The following TMEM177 variants were observed in gnomAD, a reference collection of about 807,000 sequenced individuals.
The protein encoded by TMEM177 is transmembrane protein 177.
A neutral mutation model predicts 14.2 loss-of-function variants in TMEM177; 4 were observed. That is an observed-to-expected ratio of 0.28 (90% CI 0.14 to 0.64). The LOEUF (loss-of-function observed/expected upper bound fraction) is 0.64. Among genes scored for constraint, TMEM177 ranks in the 30% least tolerant of loss-of-function variants. The pLI, the probability that TMEM177 is intolerant of heterozygous loss-of-function variation, is 0.82. For missense variants in TMEM177, 344 were observed against 405.2 expected, an observed-to-expected ratio of 0.85 and a Z score of 1.30; for synonymous variants, 179 against 174.5, an observed-to-expected ratio of 1.03 and a Z score of -0.20.
chr2:119,700,612 A>T, the TMEM177 span, among the ~76,000 whole-genome samples: 5 of 152,208 alleles, frequency 3.3e-5, no homozygotes, highest in African/African-American at 9.7e-5. Flanking sequence ...TGCACCCACC[A>T]TCGGGCCATG....
the TMEM177 span, among the ~76,000 whole-genome samples, chr2:119,713,594 C>T: frequency 7.8e-4 from 119 of 152,296 alleles, 1 homozygote; most frequent in Middle Eastern, 0.017. Flanking sequence ...AATCTCAGCA[C>T]TTTGGGAGCC....
At chr2:119,683,674 T>TCTC (rs756776960), downstream of TMEM177, among the ~76,000 whole-genome samples, 1 of 152,174 alleles carries the variant, frequency 6.6e-6, no homozygotes, top group East Asian at 1.9e-4. Flanking sequence ...ACAGACCTTG[T>TCTC]CTCCACTCAC....
At chr2:119,703,422 G>A in the TMEM177 span, among the ~76,000 whole-genome samples, 1 of 152,062 alleles carries the variant, frequency 6.6e-6, no homozygotes, top group Non-Finnish European at 1.5e-5. Flanking sequence ...AAATAATTAT[G>A]GGCAAAGATG....
At chr2:119,691,133 G>T (rs538592254), downstream of TMEM177, among the ~76,000 whole-genome samples, 1 of 152,134 alleles carries the variant, frequency 6.6e-6, no homozygotes, top group African/African-American at 2.4e-5. Flanking sequence ...TGCCCTTGCC[G>T]GGGGGCAAAT....
At chr2:119,684,223 G>C (rs554100374), downstream of TMEM177, among the ~76,000 whole-genome samples, 36 of 152,172 alleles carry the variant, frequency 2.4e-4, no homozygotes, top group Non-Finnish European at 5.0e-4. Flanking sequence ...CAGCTTTCGT[G>C]TTCGCTGTGT....
At chr2:119,693,726 G>A in the TMEM177 span, among the ~76,000 whole-genome samples, 13 of 152,198 alleles carry the variant, frequency 8.5e-5, no homozygotes, top group African/African-American at 2.9e-4. Context: ...CACACCTGAA[G>A]CAAAGGGCTC....
the TMEM177 span, among the ~76,000 whole-genome samples, chr2:119,706,918 T>G: frequency 6.6e-6 from 1 of 151,488 alleles, no homozygotes; most frequent in Non-Finnish European, 1.5e-5. Context: ...TATTTTATTT[T>G]ATTTTATTTT....
At chr2:119,692,031 C>T in the TMEM177 span, among the ~76,000 whole-genome samples, 7 of 152,318 alleles carry the variant, frequency 4.6e-5, no homozygotes, top group African/African-American at 1.2e-4. Flanking sequence ...AAAGACCACT[C>T]GGGAGCTGGG....
rs1481119856 is a variant in TMEM177 at position 119,681,290 on chromosome 2, C to T, written c.437C>T (p.Ser146Phe). Residue 146 changes from serine to phenylalanine, a missense_variant, in exon 2 of 2, where the codon TCC becomes TTC. By Grantham distance (155) the Ser-to-Phe change is radical. Transcript: ENST00000272521. ...CGGCTGAGAGCTTCCCTGACCTTGT[C>T]CCGTGAAGCCCAGAAGTTCGCCTTG... ...GARLRASLTL[S>F]REAQKFALAR... 6.2e-7 allele frequency: 1 copy of T among 1,614,252 alleles called. No homozygotes were observed. The highest frequency in any genetic ancestry group is 8.5e-7 in the Non-Finnish European group (1 of 1,180,044).
chr2:119,705,865 G>A, the TMEM177 span, among the ~76,000 whole-genome samples: 15 of 151,344 alleles, frequency 9.9e-5, no homozygotes, highest in South Asian at 1.0e-3. Context: ...GTTGGGTGAC[G>A]AACAAACTTA....
At chr2:119,690,237 T>C (rs1456721685), downstream of TMEM177, among the ~76,000 whole-genome samples, 5 of 152,142 alleles carry the variant, frequency 3.3e-5, no homozygotes, top group African/African-American at 1.2e-4. Flanking sequence ...TAAAAGTATG[T>C]GGCACTTTCC....
the TMEM177 span, among the ~76,000 whole-genome samples, chr2:119,715,074 CTCTT>C: frequency 6.6e-6 from 1 of 152,144 alleles, no homozygotes; most frequent in East Asian, 1.9e-4. Context: ...GCTCTTATCA[CTCTT>C]TCACAGAGAA....
chr2:119,711,483 A>C, the TMEM177 span, among the ~76,000 whole-genome samples: 1 of 152,178 alleles, frequency 6.6e-6, no homozygotes, highest in South Asian at 2.1e-4. Context: ...GAGGAAGAGA[A>C]CTGCAGCCTT....
the TMEM177 span, among the ~76,000 whole-genome samples, chr2:119,702,693 A>G: frequency 6.6e-5 from 10 of 152,254 alleles, no homozygotes. Flanking sequence ...CCATGGGATC[A>G]GGGGAAAAGG....
the TMEM177 span, among the ~76,000 whole-genome samples, chr2:119,706,035 A>ATATTTT: frequency 7.3e-3 from 675 of 91,882 alleles, 6 homozygotes; most frequent in African/African-American, 0.018. Context: ...ATATATATAT[A>ATATTTT]TTTTTTTGAG....
chr2:119,697,127 T>G, the TMEM177 span, among the ~76,000 whole-genome samples: 1 of 152,130 alleles, frequency 6.6e-6, no homozygotes, highest in African/African-American at 2.4e-5. Context: ...TTCCCAGAGG[T>G]GCTGGTCACA....
At chr2:119,680,809 G>A (rs1266194132) in intron 1 of TMEM177, 23 bp from the exon 2 acceptor site, 2 of 1,576,500 alleles carry the variant, frequency 1.3e-6, no homozygotes, top group Admixed American at 3.5e-5. Context: ...GAAACTGGCT[G>A]ACTTCTCTTT....
the TMEM177 span, among the ~76,000 whole-genome samples, chr2:119,723,488 G>A: frequency 3.3e-5 from 5 of 152,272 alleles, no homozygotes; most frequent in African/African-American, 4.8e-5. Context: ...GCCAAGTTCC[G>A]CCTTTTCAAT....
the TMEM177 span, among the ~76,000 whole-genome samples, chr2:119,703,640 C>T: frequency 3.9e-5 from 6 of 152,292 alleles, no homozygotes; most frequent in Middle Eastern, 3.4e-3. Context: ...TGCCCTGCCC[C>T]GCACCCCAGG....
Sources: allele counts gnomAD v4.1 joint callset (sites outside exome capture counted in the v4.1 genomes callset), GRCh38; gene constraint gnomAD v4.1.1; transcripts MANE v1.5; gene names NCBI Gene and HGNC (gene_info 2026-07-23, HGNC 2026-07-21).